Variants in TRIM33 observed in about 807,000 individuals in gnomAD.
The protein encoded by TRIM33 is tripartite motif containing 33.
In TRIM33, 20 loss-of-function variants were observed where a neutral mutation model predicts 125.4. The ratio of observed to expected loss-of-function variants is 0.16; its 90% CI spans 0.11 to 0.23. TRIM33 has a LOEUF of 0.23. Ranked by LOEUF, TRIM33 falls within the 10% of genes least tolerant of loss-of-function variation. TRIM33 has a pLI of 1.00. For missense variants in TRIM33, 920 were observed against 1,411.4 expected (o/e 0.65, Z 5.58); for synonymous variants, 564 against 513.9 (o/e 1.10, Z -1.32).
In TRIM33 at chr1:114,468,086, C is replaced by T. The variant is rs139496445; in HGVS notation, c.527-3698G>A. Among the ~76,000 whole-genome samples the T allele has an allele frequency of 5.9e-5, 9 of 152,292 alleles. No individual in the cohort carries two copies. The East Asian group carries it at 1.5e-3, about 26-fold the overall frequency. On this transcript the variant is annotated intron_variant, in intron 1 of 19. Coordinates refer to ENST00000358465, the MANE Select transcript of TRIM33 (RefSeq NM_015906.4). ...GCTGGATGGAAAAAGATTGTCAAGT[C>T]GTGCCAGAAACCTCAAACTGGAGAA...
At position 114,511,154 on chromosome 1, in the gene TRIM33, G is replaced by A. The variant is rs947827130; in HGVS notation, c.-78C>T. On this transcript the variant is annotated 5_prime_UTR_variant, in exon 1 of 20. Transcript: ENST00000358465. ...GCCGCCGCCGCCGCCCCCAGCCCCA[G>A]CCGCAGCCGCAGCAAGAGCGGCAGC... 3.6e-4 allele frequency: 379 copies of A among 1,045,788 alleles called. No homozygotes were observed. The highest frequency in any genetic ancestry group is 4.0e-4 in the Non-Finnish European group (350 of 867,180). The allele number at this position is 1,045,788 out of a possible 1,614,324, so 64.8% of individuals were successfully genotyped here.
At chr1:114,447,990 GA>G (rs1440265753) in intron 4 of TRIM33, among the ~76,000 whole-genome samples, 1 of 152,214 alleles carries the variant, frequency 6.6e-6, no homozygotes, top group Non-Finnish European at 1.5e-5. Flanking sequence ...ATTCTTTCAA[GA>G]AGTTTTTCAG....
chr1:114,421,418 T>A lies in TRIM33; in HGVS notation c.2061+18A>T, dbSNP rs1290673140. ...TAACATTAAGTTTAATGAAGCCTCA[T>A]TCAACTCAAATACAAACCTGTATGG... On this transcript the variant is annotated intron_variant, in intron 11 of 19. Coordinates refer to ENST00000358465, the MANE Select transcript of TRIM33 (RefSeq NM_015906.4). 3 of 1,607,486 alleles carry A rather than the reference T, an allele frequency of 1.9e-6. No individual in the cohort carries two copies. The African/African-American group carries it at 4.0e-5, about 22-fold the overall frequency.
intron 1 of TRIM33, among the ~76,000 whole-genome samples, chr1:114,509,394 T>G (rs1466044956): frequency 1.3e-5 from 2 of 152,252 alleles, no homozygotes; most frequent in Non-Finnish European, 2.9e-5. Flanking sequence ...ATTCACGTGT[T>G]TCAATGTAGA....
chr1:114,463,216 G>C lies in TRIM33; in HGVS notation c.811C>G (p.Gln271Glu). 1 of 1,607,640 alleles carries C rather than the reference G, an allele frequency of 6.2e-7. No homozygotes were observed. Among genetic ancestry groups the C allele is most frequent in the Non-Finnish European group, 8.5e-7 (1 of 1,178,394 alleles). ...DVSESVGASGQRPVFCPVHKQ... is the reference protein window; with the variant it reads ...DVSESVGASGERPVFCPVHKQ... Reference sequence around the variant, plus strand: ...TGTACAGGGCAGAAAACAGGGCGTTGACCAGATGCTCCAACAGACTCTGTA... The same window carrying C: ...TGTACAGGGCAGAAAACAGGGCGTTCACCAGATGCTCCAACAGACTCTGTA... The change falls in exon 4 of 20, where the codon CAA becomes GAA. Residue 271 changes from glutamine to glutamate, a missense_variant. Physicochemically the swap from Gln to Glu is conservative, Grantham distance 29 (BLOSUM62 2). This residue lies in a region of TRIM33 where 24 missense variants were observed against 83.9 expected (regional missense o/e 0.29). Coordinates refer to ENST00000358465, the MANE Select transcript of TRIM33 (RefSeq NM_015906.4).
chr1:114,419,200 CAAAAAAAAA>C (rs35757503), intron 11 of TRIM33, among the ~76,000 whole-genome samples: 2 of 54,328 alleles, frequency 3.7e-5, no homozygotes, highest in Admixed American at 2.4e-4. Context: ...GACACCATCT[CAAAAAAAAA>C]AAAAAAAAAA....
chr1:114,508,673 CCAAA>C, intron 1 of TRIM33, among the ~76,000 whole-genome samples: 1 of 152,240 alleles, frequency 6.6e-6, no homozygotes, highest in East Asian at 1.9e-4. Flanking sequence ...TTGCCATCCA[CCAAA>C]CAAAAAATGT....
intron 15 of TRIM33, 26 bp downstream of exon 15, chr1:114,405,384 C>T: frequency 6.5e-7 from 1 of 1,550,384 alleles, no homozygotes; most frequent in Non-Finnish European, 8.8e-7. Flanking sequence ...AAAATCAACA[C>T]CAAAAATCAA....
chr1:114,505,740 G>C (rs1652965290), intron 1 of TRIM33, among the ~76,000 whole-genome samples: 1 of 151,900 alleles, frequency 6.6e-6, no homozygotes, highest in Admixed American at 6.6e-5. Context: ...GCAAATTTTT[G>C]TATTTTTTGT....
chr1:114,462,642 T>C (rs1265669075), intron 4 of TRIM33, among the ~76,000 whole-genome samples: 1 of 152,170 alleles, frequency 6.6e-6, no homozygotes, highest in African/African-American at 2.4e-5. Flanking sequence ...AAGGCTAAAA[T>C]ACAAAGGTAT....
Position 114,425,657 on chromosome 1 carries a change from G to A in TRIM33, c.1487C>T (p.Pro496Leu). ...TTTACTAATGTGGTTTGTCCCTGGA[G>A]GAACTTGCCCAACTACAACATTAGG... is the stretch of plus-strand genomic sequence containing the variant. The part of the protein sequence containing the change: ...YTPNVVVGQV[P>L]PGTNHISKTP... The change falls in exon 9 of 20, where the codon CCT becomes CTT. Residue 496 changes from proline to leucine, a missense_variant. Transcript: ENST00000358465. 6.2e-7 allele frequency: 1 copy of A among 1,614,082 alleles called. No homozygotes were observed. The highest frequency in any genetic ancestry group is 8.5e-7 in the Non-Finnish European group (1 of 1,180,022).
chr1:114,413,062 G>A (rs756562864), intron 11 of TRIM33, among the ~76,000 whole-genome samples: 2 of 152,114 alleles, frequency 1.3e-5, no homozygotes, highest in South Asian at 4.1e-4. Flanking sequence ...TAAGTATGTC[G>A]TGGTACATCT....
At chr1:114,400,496 C>T (rs1041979282) in intron 17 of TRIM33, among the ~76,000 whole-genome samples, 1 of 152,226 alleles carries the variant, frequency 6.6e-6, no homozygotes, top group Admixed American at 6.5e-5. Flanking sequence ...AGCCACCATG[C>T]CCGGCCAAGA....
intron 1 of TRIM33, among the ~76,000 whole-genome samples, chr1:114,481,659 GTGTATATA>G (rs1473279612): frequency 7.1e-6 from 1 of 141,470 alleles, no homozygotes; most frequent in Non-Finnish European, 1.5e-5. Context: ...GTGTGTGTGT[GTGTATATA>G]TATGTGTGTA....
rs752969900 is a variant in TRIM33, at chr1:114,425,424, A to G, written c.1695+25T>C. ...TGTTGAGGGCTTCATAATTTCTATC[A>G]ATAATGTAGTAACACGATACTTACC... On this transcript the variant is annotated intron_variant, in intron 9 of 19. Transcript: ENST00000358465. 7.6e-5 allele frequency: 122 copies of G among 1,608,548 alleles called. 1 individual carries two copies. In the South Asian group the frequency reaches 1.0e-3, roughly 14 times the overall value.
At chr1:114,491,913 T>C (rs931668628) in intron 1 of TRIM33, among the ~76,000 whole-genome samples, 10 of 152,210 alleles carry the variant, frequency 6.6e-5, no homozygotes, top group African/African-American at 1.9e-4. Flanking sequence ...GTTTTCTCCA[T>C]AAAGCACAAA....
At chr1:114,456,459 A>G (rs1649631371) in intron 4 of TRIM33, among the ~76,000 whole-genome samples, 1 of 152,216 alleles carries the variant, frequency 6.6e-6, no homozygotes, top group Admixed American at 6.5e-5. Context: ...TGAACTATGA[A>G]AGCCTGAAGT....
At chr1:114,450,599 C>T (rs186794330) in intron 4 of TRIM33, among the ~76,000 whole-genome samples, 1 of 151,938 alleles carries the variant, frequency 6.6e-6, no homozygotes, top group African/African-American at 2.4e-5. Context: ...CACCATGTTG[C>T]CCAGGCTGGT....
intron 11 of TRIM33, chr1:114,420,498 A>G (rs1007376605): frequency 2.1e-6 from 2 of 965,340 alleles, no homozygotes; most frequent in Non-Finnish European, 3.0e-6. Context: ...AGCAAAAGTG[A>G]TATTAATCCA....
Sources: gnomAD v4.1 joint callset for allele counts (sites outside exome capture counted in the v4.1 genomes callset) on GRCh38, gnomAD v4.1.1 for gene constraint, gnomAD v4.1.1 regional missense constraint, MANE v1.5 for transcripts, NCBI Gene and HGNC (gene_info 2026-07-23, HGNC 2026-07-21) for gene names.